Variants in HADHA observed in about 807,000 individuals in gnomAD.
HADHA encodes trifunctional enzyme subunit alpha, mitochondrial.
Under a neutral mutation model 91.3 loss-of-function variants are expected in HADHA, and 59 were observed. That is an observed-to-expected ratio of 0.65 (90% CI 0.52 to 0.80). HADHA has a LOEUF of 0.80. Among genes scored for constraint, HADHA ranks in the 30% least tolerant of loss-of-function variants. The pLI, the probability that HADHA is intolerant of heterozygous loss-of-function variation, is 0.00. For missense variants in HADHA, 800 were observed against 927.6 expected (o/e 0.86, Z 1.79); for synonymous variants, 320 against 338.9 (o/e 0.94, Z 0.61).
chr2:26,200,327 T>G (rs1256894162), intron 13 of HADHA, among the ~76,000 whole-genome samples: 2 of 152,158 alleles, frequency 1.3e-5, no homozygotes, highest in East Asian at 3.9e-4. Context: ...TCCTACCTCA[T>G]CCCTGAATTA....
At chr2:26,202,993 AAG>A (rs1669884586) in intron 12 of HADHA, among the ~76,000 whole-genome samples, 1 of 152,350 alleles carries the variant, frequency 6.6e-6, no homozygotes, top group African/African-American at 2.4e-5. Context: ...GACACTATTC[AAG>A]AGAGACTGGG....
rs1408040309 is a variant in HADHA, at chr2:26,193,739, T to C, written c.1723A>G (p.Thr575Ala). The C allele has an allele frequency of 6.2e-7, 1 of 1,614,046 alleles. No homozygotes were observed. The highest frequency in any genetic ancestry group is 1.3e-5 in the African/African-American group (1 of 74,926). ...GVDPKKLDSL[T>A]TSFGFPVGAA... ...CCCACAGGAAAGCCAAAGCTTGTGG[T>C]CAGGGAATCCAGCTTCTTCGGGTCA... The change falls in exon 17 of 20, where the codon ACC (threonine) becomes GCC (alanine). Residue 575 changes from threonine to alanine, a missense_variant. Transcript: ENST00000380649.
chr2:26,238,945 G>C lies in HADHA; in HGVS notation c.169C>G (p.Pro57Ala). 1 of 1,599,590 alleles carries C rather than the reference G, an allele frequency of 6.3e-7. No homozygotes were observed. The part of the protein sequence containing the change: ...GDVAVVRINS[P>A]NSKVNTLSKE... ...ATTAAATGAGATACCTTTGAATTGGGAGAGTTAATTCGAACAACTGCCACA... is the reference window on the plus strand; with the variant it reads ...ATTAAATGAGATACCTTTGAATTGGCAGAGTTAATTCGAACAACTGCCACA... Residue 57 changes from proline (P) to alanine (A), a missense_variant, in exon 3 of 20, where the codon CCC becomes GCC. Transcript: ENST00000380649.
chr2:26,221,010 G>C lies in HADHA; in HGVS notation c.677-5835C>G, dbSNP rs769463804. On this transcript the variant is annotated intron_variant, in intron 7 of 19. Coordinates refer to ENST00000380649, the MANE Select transcript of HADHA (RefSeq NM_000182.5). This position sits in a 1 kb window ranked among gnomAD's most constrained non-coding sequence, Gnocchi z 4.8. ...AAATTTCTGGGGATCCAGTGGTCTG[G>C]GGCATACAAAGACATCCCTTCTATG... 2.6e-5 allele frequency among the ~76,000 whole-genome samples: 4 copies of C among 152,100 alleles called. No individual in the cohort carries two copies. Among genetic ancestry groups the C allele is most frequent in the Non-Finnish European group, 2.9e-5 (2 of 68,012 alleles).
intron 11 of HADHA, among the ~76,000 whole-genome samples, chr2:26,208,541 C>T (rs754857552): frequency 3.9e-5 from 6 of 152,020 alleles, no homozygotes; most frequent in East Asian, 1.9e-4. Flanking sequence ...TGGAGGGATA[C>T]GGTGGGGAGG....
intron 11 of HADHA, among the ~76,000 whole-genome samples, chr2:26,205,665 T>G (rs4665320): frequency 0.83 from 125,875 of 152,150 alleles, 52,514 homozygotes; most frequent in African/African-American, 0.95. Flanking sequence ...TTAGCTGGGT[T>G]TGGTGGTGTG....
rs1238631306 is a variant in HADHA at position 26,190,892 on chromosome 2, A to G, written c.*358T>C. 2.7e-6 allele frequency: 1 copy of G among 370,624 alleles called. No homozygotes were observed. The highest frequency in any genetic ancestry group is 5.0e-6 in the Non-Finnish European group (1 of 198,776). The allele number at this position is 370,624 out of a possible 1,614,324, so 23.0% of individuals were successfully genotyped here. On this transcript the variant is annotated 3_prime_UTR_variant, in exon 20 of 20. Transcript: ENST00000380649. Reference sequence around the variant, plus strand: ...GATGCTGACACAGAGTTTGGTTTTTATTGTTATGTGTTTGGCTGGGTGCAG... The same window carrying G: ...GATGCTGACACAGAGTTTGGTTTTTGTTGTTATGTGTTTGGCTGGGTGCAG...
intron 7 of HADHA, among the ~76,000 whole-genome samples, chr2:26,223,230 T>G (rs1670415949): frequency 6.6e-6 from 1 of 152,198 alleles, no homozygotes; most frequent in African/African-American, 2.4e-5. Flanking sequence ...GGGCGGGTAC[T>G]GTACTGGCTG....
intron 5 of HADHA, 24 bp downstream of exon 5, chr2:26,234,193 T>A: frequency 1.2e-6 from 2 of 1,608,246 alleles, no homozygotes; most frequent in Non-Finnish European, 1.7e-6. Context: ...GGACAGTGTC[T>A]CAATAACTTT....
Position 26,191,066 on chromosome 2 carries a change from T to C in HADHA, c.*184A>G. The C allele has an allele frequency of 1.5e-6, 1 of 667,592 alleles. No individual in the cohort carries two copies. The highest frequency in any genetic ancestry group is 2.7e-6 in the Non-Finnish European group (1 of 372,064). 41.4% of individuals were successfully genotyped at this position (667,592 alleles called of 1,614,324 possible). ...CTTCCAACAGGAAGTGCAAACTAAT[T>C]CGAAGTCACACTTCACCAGGAGGGA... is the stretch of plus-strand genomic sequence containing the variant. On this transcript the variant is annotated 3_prime_UTR_variant, in exon 20 of 20. Coordinates refer to ENST00000380649, the MANE Select transcript of HADHA (RefSeq NM_000182.5).
At chr2:26,213,201 C>A (rs1670143374) in intron 9 of HADHA, among the ~76,000 whole-genome samples, 1 of 152,192 alleles carries the variant, frequency 6.6e-6, no homozygotes, top group Non-Finnish European at 1.5e-5. Context: ...CTCAATATAT[C>A]TGAACCTAAC....
At chr2:26,225,397 CAA>C (rs35279747) in intron 7 of HADHA, among the ~76,000 whole-genome samples, 112,706 of 139,046 alleles carry the variant, frequency 0.81, 45,169 homozygotes, top group African/African-American at 0.9. Context: ...GACTCCATCT[CAA>C]AAAAAAAAAA....
intron 1 of HADHA, among the ~76,000 whole-genome samples, chr2:26,240,060 A>C (rs997544125): frequency 2.6e-5 from 4 of 152,142 alleles, no homozygotes; most frequent in Admixed American, 2.0e-4. Flanking sequence ...TATTTGCATC[A>C]TGACTCCACT....
chr2:26,195,152 G>T lies in HADHA; in HGVS notation c.1560C>A (p.Asp520Glu). ...CAACTGCTACAGCTGAAGCACTGGT[G>T]TCTTTGGAAGTTTTCTCGGTCGTGA... is the stretch of plus-strand genomic sequence containing the variant. ...EIITTEKTSK[D>E]TSASAVAVGL... is the part of the protein sequence containing the mutation. The change falls in exon 15 of 20, where the codon GAC (aspartate) becomes GAA (glutamate). Residue 520 changes from aspartate to glutamate, a missense_variant. Physicochemically the swap from Asp to Glu is conservative, Grantham distance 45. Transcript: ENST00000380649. 1 of 1,612,106 alleles carries T rather than the reference G, an allele frequency of 6.2e-7. No individual in the cohort carries two copies. The highest frequency in any genetic ancestry group is 8.5e-7 in the Non-Finnish European group (1 of 1,178,284).
In HADHA at chr2:26,197,726, T is replaced by C; in HGVS notation, c.1444A>G (p.Ser482Gly). Residue 482 changes from serine (S) to glycine (G), a missense_variant, in exon 14 of 20, where the codon AGT becomes GGT. Transcript: ENST00000380649. ...CTTTTGCTGACAGCAGCGATTTCAC[T>C]GATTGGGAGAGCAGATGTGTTACTG... ...FASNTSALPI[S>G]EIAAVSKRPE... The C allele has an allele frequency of 2.6e-6, 4 of 1,557,604 alleles. No individual in the cohort carries two copies. The highest frequency in any genetic ancestry group is 2.2e-5 in the East Asian group (1 of 44,648).
At position 26,236,852 on chromosome 2, in the gene HADHA, T is replaced by G; in HGVS notation, c.314+3A>C. ...AGGTGACTTCAAGTTTCCTAAAACT[T>G]ACTTGATATCAGCACCTGCAATAAA... On this transcript the variant is annotated splice_donor_region_variant and intron_variant, in intron 4 of 19. Transcript: ENST00000380649. The G allele has an allele frequency of 6.2e-7, 1 of 1,608,624 alleles. No homozygotes were observed. The highest frequency in any genetic ancestry group is 8.5e-7 in the Non-Finnish European group (1 of 1,176,296).
At chr2:26,213,889 C>T (rs909468241) in intron 9 of HADHA, among the ~76,000 whole-genome samples, 1 of 152,214 alleles carries the variant, frequency 6.6e-6, no homozygotes, top group East Asian at 1.9e-4. Flanking sequence ...TGGTTATATA[C>T]TCTCTTAATC....
At chr2:26,225,659 G>A (rs954549162) in intron 7 of HADHA, among the ~76,000 whole-genome samples, 1 of 152,154 alleles carries the variant, frequency 6.6e-6, no homozygotes, top group African/African-American at 2.4e-5. Context: ...AATTATCTCT[G>A]TAGATGGAGA....
chr2:26,198,217 T>G (rs1033218765), intron 13 of HADHA, among the ~76,000 whole-genome samples: 13 of 152,132 alleles, frequency 8.5e-5, no homozygotes, highest in Non-Finnish European at 1.8e-4. Flanking sequence ...CATGCTTGTC[T>G]CATTTTATAC....
Sources: allele counts gnomAD v4.1 joint callset (sites outside exome capture counted in the v4.1 genomes callset), GRCh38; gene constraint gnomAD v4.1.1; non-coding constraint Gnocchi (gnomAD v3.1); transcripts MANE v1.5; gene names NCBI Gene and HGNC (gene_info 2026-07-23, HGNC 2026-07-21).